Variants in HUNK observed in about 807,000 individuals in gnomAD.
The protein encoded by HUNK is hormonally up-regulated neu tumor-associated kinase.
In HUNK, 21 loss-of-function variants were observed where a neutral mutation model predicts 61.0. The ratio of observed to expected loss-of-function variants is 0.34; its 90% CI spans 0.24 to 0.50. HUNK has a LOEUF of 0.50. Among genes scored for constraint, HUNK ranks in the 20% least tolerant of loss-of-function variants. HUNK has a pLI of 0.98. For missense variants in HUNK, 772 were observed against 945.7 expected, an observed-to-expected ratio of 0.82 and a Z score of 2.41; for synonymous variants, 371 against 386.1, an observed-to-expected ratio of 0.96 and a Z score of 0.46.
chr21:31,986,201 C>G (rs553856184), intron 8 of HUNK, among the ~76,000 whole-genome samples: 64 of 152,140 alleles, frequency 4.2e-4, no homozygotes, highest in South Asian at 2.3e-3. Flanking sequence ...AGACTCTCCC[C>G]CCGCCGCCCT....
At chr21:31,947,004 C>T (rs1405225283) in intron 4 of HUNK, among the ~76,000 whole-genome samples, 2 of 151,976 alleles carry the variant, frequency 1.3e-5, no homozygotes, top group Non-Finnish European at 2.9e-5. Flanking sequence ...GGCACCTGCA[C>T]ATTCCCACAT....
intron 5 of HUNK, among the ~76,000 whole-genome samples, chr21:31,959,210 C>T (rs560852775): frequency 6.6e-6 from 1 of 152,274 alleles, no homozygotes; most frequent in East Asian, 1.9e-4. Flanking sequence ...CCTAACTTCT[C>T]CTTCCTCCTT....
chr21:31,970,646 G>A (rs2053003464), intron 6 of HUNK, among the ~76,000 whole-genome samples: 4 of 152,148 alleles, frequency 2.6e-5, no homozygotes. Context: ...CCGCCTAAAT[G>A]AGCATAATCA....
At chr21:31,972,586 G>C (rs1429150092) in intron 6 of HUNK, among the ~76,000 whole-genome samples, 1 of 152,152 alleles carries the variant, frequency 6.6e-6, no homozygotes, top group Non-Finnish European at 1.5e-5. Flanking sequence ...CCCTCGGCGG[G>C]TGCACTGCTC....
chr21:31,888,630 C>T (rs1028784601), intron 1 of HUNK, among the ~76,000 whole-genome samples: 1 of 152,086 alleles, frequency 6.6e-6, no homozygotes, highest in African/African-American at 2.4e-5. Flanking sequence ...ATCCCAGCCA[C>T]TCGGGAGGCT....
intron 1 of HUNK, among the ~76,000 whole-genome samples, chr21:31,907,809 G>A (rs34978967): frequency 0.092 from 13,937 of 152,096 alleles, 796 homozygotes; most frequent in Middle Eastern, 0.16. Context: ...GGCCAACATG[G>A]AGAAACCTTG....
At chr21:31,947,854 G>A (rs1011104235) in intron 4 of HUNK, among the ~76,000 whole-genome samples, 12 of 152,284 alleles carry the variant, frequency 7.9e-5, no homozygotes, top group Admixed American at 5.9e-4. Context: ...AGATATAGAC[G>A]AGAAAGACTC....
intron 1 of HUNK, among the ~76,000 whole-genome samples, chr21:31,909,826 A>G (rs1249492344): frequency 6.6e-6 from 1 of 152,204 alleles, no homozygotes. Context: ...GGATGCATTT[A>G]CCCACATCGT....
chr21:31,896,043 C>T (rs889506373), intron 1 of HUNK, among the ~76,000 whole-genome samples: 4 of 142,188 alleles, frequency 2.8e-5, no homozygotes, highest in South Asian at 2.4e-4. Flanking sequence ...CACAGATGTG[C>T]GCACACACAG....
chr21:31,966,631 C>A lies in HUNK; in HGVS notation c.875-1619C>A, dbSNP rs115750815. ...TTTTGATGGCCTCATTTTTACCCTG[C>A]AGAAAATGAGTTGACAAAAGGCTCA... On this transcript the variant is annotated intron_variant, in intron 5 of 10. Transcript: ENST00000270112. 8.4e-3 allele frequency among the ~76,000 whole-genome samples: 1,285 copies of A among 152,224 alleles called. 22 individuals carry two copies. Among genetic ancestry groups the A allele is most frequent in the African/African-American group, 0.03 (1,230 of 41,528 alleles).
chr21:31,940,278 C>A, intron 3 of HUNK, 58 bp downstream of exon 3: 1 of 1,095,614 alleles, frequency 9.1e-7, no homozygotes, highest in South Asian at 1.4e-5. Context: ...GTTGTCAGTT[C>A]TCAACTTTGA....
intron 3 of HUNK, among the ~76,000 whole-genome samples, chr21:31,945,219 C>T (rs2052793916): frequency 6.6e-6 from 1 of 152,138 alleles, no homozygotes; most frequent in African/African-American, 2.4e-5. Context: ...GAGGGCATAA[C>T]AGTAACAGCT....
intron 5 of HUNK, among the ~76,000 whole-genome samples, chr21:31,961,531 T>A (rs968274938): frequency 6.6e-6 from 1 of 152,360 alleles, no homozygotes; most frequent in African/African-American, 2.4e-5. Context: ...ATGTGCATGA[T>A]CTCTGCATCC....
In HUNK at chr21:31,919,947, T is replaced by C. The variant is rs543182032; in HGVS notation, c.262-4521T>C. Among the ~76,000 whole-genome samples, 640 of 152,330 alleles carry C rather than the reference T, an allele frequency of 4.2e-3. 5 individuals are homozygous for C. The highest frequency in any genetic ancestry group is 5.9e-3 in the Non-Finnish European group (399 of 68,030). On this transcript the variant is annotated intron_variant, in intron 1 of 10. Transcript: ENST00000270112. ...GAAGCTATTTGTTCCTTGTGGCTGC[T>C]ATAACAAATTACCACTCTGGTGGCT...
chr21:31,957,198 G>T (rs145042700), intron 4 of HUNK, among the ~76,000 whole-genome samples: 11 of 152,296 alleles, frequency 7.2e-5, no homozygotes, highest in Admixed American at 1.3e-4. Context: ...TTGTTTGCAC[G>T]TTGCTTGCCT....
At chr21:31,886,804 C>A (rs995061923) in intron 1 of HUNK, among the ~76,000 whole-genome samples, 10 of 152,130 alleles carry the variant, frequency 6.6e-5, no homozygotes, top group African/African-American at 2.4e-4. Flanking sequence ...CACCACCACG[C>A]CCAGCTAATT....
Position 31,990,126 on chromosome 21 carries a change from C to T in HUNK, c.1258-3C>T, listed in dbSNP as rs757257838. 2 of 1,613,702 alleles carry T rather than the reference C, an allele frequency of 1.2e-6. No individual in the cohort carries two copies. The highest frequency in any genetic ancestry group is 1.7e-5 in the Admixed American group (1 of 60,016). On this transcript the variant is annotated splice_region_variant and splice_polypyrimidine_tract_variant and intron_variant, in intron 8 of 10. Coordinates refer to ENST00000270112, the MANE Select transcript of HUNK (RefSeq NM_014586.2). The stretch of plus-strand genomic sequence containing the variant: ...AATTGTTGAAGGATGTTCCTTTTCA[C>T]AGGCCTCTCTGGACACCTGGACACG...
chr21:31,948,298 C>T (rs1195348909), intron 4 of HUNK, among the ~76,000 whole-genome samples: 1 of 152,256 alleles, frequency 6.6e-6, no homozygotes, highest in South Asian at 2.1e-4. Context: ...ATTCCCTGAA[C>T]ACAGCCTGCT....
chr21:31,895,349 C>T (rs1183338279), intron 1 of HUNK, among the ~76,000 whole-genome samples: 2 of 152,104 alleles, frequency 1.3e-5, no homozygotes, highest in African/African-American at 4.8e-5. Context: ...CTCAGAGACT[C>T]CAGTCTGCAA....
Sources: allele counts gnomAD v4.1 joint callset (sites outside exome capture counted in the v4.1 genomes callset), GRCh38; gene constraint gnomAD v4.1.1; transcripts MANE v1.5; gene names NCBI Gene and HGNC (gene_info 2026-07-23, HGNC 2026-07-21).